HMBOX1: variants seen among roughly 807,000 people sequenced by gnomAD.
The protein encoded by HMBOX1 is homeobox-containing protein 1.
Under a neutral mutation model 54.5 loss-of-function variants are expected in HMBOX1, and 14 were observed. The ratio of observed to expected loss-of-function variants is 0.26; its 90% CI spans 0.17 to 0.40. The LOEUF is 0.40. Ranked by LOEUF, HMBOX1 falls within the 10% of genes least tolerant of loss-of-function variation. The probability of loss-of-function intolerance (pLI) is 1.00; values close to 1 mark genes in which losing one functional copy is unlikely to be tolerated. For synonymous variants in HMBOX1, 160 were observed against 181.0 expected (o/e 0.88, Z 0.93); for missense variants, 332 against 514.4 (o/e 0.65, Z 3.43).
intron 5 of HMBOX1, chr8:29,009,467 G>C: frequency 2.4e-6 from 2 of 819,422 alleles, no homozygotes; most frequent in Non-Finnish European, 2.9e-6. Context: ...CGCTATGAAT[G>C]TTCAGTGGCT....
intron 8 of HMBOX1, 137 bp downstream of exon 8, chr8:29,047,590 G>A (rs1202863714): frequency 2.7e-5 from 14 of 513,254 alleles, no homozygotes; most frequent in South Asian, 1.1e-4. Flanking sequence ...TTTTTGAGAC[G>A]GAGTTTCACT....
At chr8:28,977,736 C>T (rs892758048) in intron 3 of HMBOX1, among the ~76,000 whole-genome samples, 1 of 151,812 alleles carries the variant, frequency 6.6e-6, no homozygotes, top group Non-Finnish European at 1.5e-5. Flanking sequence ...GTCAGGAGAT[C>T]AAGACCATCC....
At chr8:28,899,367 C>G (rs568251716) in intron 1 of HMBOX1, among the ~76,000 whole-genome samples, 6 of 152,264 alleles carry the variant, frequency 3.9e-5, no homozygotes, top group African/African-American at 1.4e-4. Context: ...TCATTAAGAT[C>G]TAGAGACATC....
At chr8:28,940,772 A>G (rs1220665242) in intron 1 of HMBOX1, among the ~76,000 whole-genome samples, 1 of 152,198 alleles carries the variant, frequency 6.6e-6, no homozygotes, top group Admixed American at 6.5e-5. Flanking sequence ...AACCTGCCCT[A>G]CCTACTTAAC....
chr8:29,011,898 G>T (rs981330736), intron 5 of HMBOX1, among the ~76,000 whole-genome samples: 7 of 152,116 alleles, frequency 4.6e-5, no homozygotes, highest in Non-Finnish European at 1.0e-4. Context: ...CTTTTAAGAC[G>T]TTCCTCTAAT....
At chr8:28,930,516 G>A (rs2203209) in intron 1 of HMBOX1, among the ~76,000 whole-genome samples, 90,841 of 151,984 alleles carry the variant, frequency 0.6, 27,785 homozygotes, top group East Asian at 0.7. Flanking sequence ...TGCTGTTTTG[G>A]TAGTCAAATA....
intron 4 of HMBOX1, among the ~76,000 whole-genome samples, chr8:28,989,086 A>G (rs2132573345): frequency 6.6e-6 from 1 of 152,100 alleles, no homozygotes; most frequent in East Asian, 1.9e-4. Flanking sequence ...CAGCCTGACC[A>G]ACATGGTGAA....
Position 28,895,891 on chromosome 8 carries a change from A to G in HMBOX1, c.-58+5213A>G, listed in dbSNP as rs146000604. On this transcript the variant is annotated intron_variant, in intron 1 of 9. Transcript: ENST00000287701. ...GTTTATTGCATCAGTCTCTTAACTAATCTTGTTTGAATTTTTTTCATTAGT... is the reference window on the plus strand; with the variant it reads ...GTTTATTGCATCAGTCTCTTAACTAGTCTTGTTTGAATTTTTTTCATTAGT... Among the ~76,000 whole-genome samples, 466 of 152,156 alleles carry G rather than the reference A, an allele frequency of 3.1e-3. 1 individual carries two copies. Among genetic ancestry groups the G allele is most frequent in the African/African-American group, 0.011 (445 of 41,514 alleles).
intron 6 of HMBOX1, among the ~76,000 whole-genome samples, chr8:29,026,414 G>T (rs962879541): frequency 6.6e-6 from 1 of 152,074 alleles, no homozygotes; most frequent in African/African-American, 2.4e-5. Flanking sequence ...TCTTTTTGGG[G>T]TGATGAAGAT....
chr8:28,903,512 TTTTC>T (rs1484132506), intron 1 of HMBOX1, among the ~76,000 whole-genome samples: 2 of 152,188 alleles, frequency 1.3e-5, no homozygotes, highest in African/African-American at 4.8e-5. Context: ...CTTTGCTGTT[TTTTC>T]TTTCTTTTTT....
At chr8:28,910,698 G>C (rs1170688092) in intron 1 of HMBOX1, among the ~76,000 whole-genome samples, 1 of 152,050 alleles carries the variant, frequency 6.6e-6, no homozygotes, top group Non-Finnish European at 1.5e-5. Context: ...TCAGGTATTT[G>C]CTCATCTTAT....
chr8:28,947,361 T>A (rs1822653151), intron 1 of HMBOX1, among the ~76,000 whole-genome samples: 1 of 152,240 alleles, frequency 6.6e-6, no homozygotes, highest in Non-Finnish European at 1.5e-5. Context: ...CCCACCTGGT[T>A]ATTCTGAATT....
chr8:29,047,332 C>G, intron 7 of HMBOX1, 26 bp from the exon 8 acceptor site: 3 of 1,286,734 alleles, frequency 2.3e-6, no homozygotes, highest in Non-Finnish European at 3.4e-6. Context: ...TATAGATTAT[C>G]TGAATTTTAT....
intron 2 of HMBOX1, among the ~76,000 whole-genome samples, chr8:28,967,563 T>C (rs1426063166): frequency 6.6e-6 from 1 of 152,188 alleles, no homozygotes; most frequent in Non-Finnish European, 1.5e-5. Flanking sequence ...ATGAATACTA[T>C]AGGAAAATAC....
intron 1 of HMBOX1, among the ~76,000 whole-genome samples, chr8:28,957,527 A>G (rs1824688664): frequency 6.6e-6 from 1 of 152,198 alleles, no homozygotes; most frequent in African/African-American, 2.4e-5. Context: ...ATACCCTTGT[A>G]ACAAACCTGC....
At chr8:28,909,072 G>A (rs1814902264) in intron 1 of HMBOX1, among the ~76,000 whole-genome samples, 1 of 151,208 alleles carries the variant, frequency 6.6e-6, no homozygotes, top group African/African-American at 2.4e-5. Flanking sequence ...TCCAAGATGG[G>A]TGACAGAGTG....
At chr8:29,024,628 T>A (rs1473547803) in intron 6 of HMBOX1, among the ~76,000 whole-genome samples, 2 of 152,206 alleles carry the variant, frequency 1.3e-5, no homozygotes, top group Non-Finnish European at 2.9e-5. Context: ...CAGTAATAGC[T>A]TACATTTGAA....
chr8:29,020,396 T>C (rs773086001), intron 6 of HMBOX1, among the ~76,000 whole-genome samples: 23 of 152,192 alleles, frequency 1.5e-4, no homozygotes, highest in Admixed American at 2.6e-4. Flanking sequence ...ATAGGTGATA[T>C]TCCTAATGTA....
chr8:29,046,415 A>G (rs1010302521), intron 7 of HMBOX1: 11 of 152,232 alleles, frequency 7.2e-5, no homozygotes, highest in African/African-American at 2.2e-4. Context: ...ACAAAAGGAA[A>G]GGTGAGGAGG....
Sources: gnomAD v4.1 joint callset for allele counts (sites outside exome capture counted in the v4.1 genomes callset) on GRCh38, gnomAD v4.1.1 for gene constraint, MANE v1.5 for transcripts, NCBI Gene and HGNC (gene_info 2026-07-23, HGNC 2026-07-21) for gene names.